The following ZNF236 variants were observed in gnomAD, a reference collection of about 807,000 sequenced individuals.
ZNF236 encodes the protein zinc finger protein 236.
Under a neutral mutation model 191.2 loss-of-function variants are expected in ZNF236, and 50 were observed. That is an observed-to-expected ratio of 0.26 (90% confidence interval 0.21 to 0.33). The LOEUF (loss-of-function observed/expected upper bound fraction) is 0.33, where lower values mean the gene tolerates loss of function less well. Among genes scored for constraint, ZNF236 ranks in the 10% least tolerant of loss-of-function variants. ZNF236 has a pLI of 1.00. For missense variants in ZNF236, 1,754 were observed against 2,374.5 expected (o/e 0.74, Z 5.43); for synonymous variants, 907 against 928.8 (o/e 0.98, Z 0.43).
intron 19 of ZNF236, among the ~76,000 whole-genome samples, chr18:76,916,418 G>A (rs1308075844): frequency 1.3e-5 from 2 of 152,154 alleles, no homozygotes; most frequent in African/African-American, 2.4e-5. Flanking sequence ...ACCTGTGCTT[G>A]CCATTACGTT....
Position 76,879,806 on chromosome 18 carries a change from C to T in ZNF236, c.985-307C>T, listed in dbSNP as rs565022661. 1.1e-4 allele frequency among the ~76,000 whole-genome samples: 16 copies of T among 152,162 alleles called. No individual in the cohort carries two copies. In the South Asian group the frequency reaches 3.3e-3, roughly 32 times the overall value. On this transcript the variant is annotated intron_variant, in intron 7 of 30. Transcript: ENST00000320610. ...GTGTAACTTGATATTTTAAAAATTC[C>T]TTCACTTCAATTTTATGGGCTAACA...
At chr18:76,887,757 C>T (rs1005147177) in intron 9 of ZNF236, among the ~76,000 whole-genome samples, 5 of 152,144 alleles carry the variant, frequency 3.3e-5, no homozygotes, top group African/African-American at 4.8e-5. Flanking sequence ...CATTAGGCCC[C>T]GTGAGACTTA....
At chr18:76,902,351 CATA>C (rs1159355419) in intron 11 of ZNF236, among the ~76,000 whole-genome samples, 7 of 152,114 alleles carry the variant, frequency 4.6e-5, no homozygotes, top group African/African-American at 1.7e-4. Context: ...AGAGGATTAG[CATA>C]GAATAGTGTT....
At position 76,908,454 on chromosome 18, in the gene ZNF236, C is replaced by T. The variant is rs2122756443; in HGVS notation, c.2432C>T (p.Ala811Val). 1 of 1,614,102 alleles carries T rather than the reference C, an allele frequency of 6.2e-7. No homozygotes were observed. The highest frequency in any genetic ancestry group is 8.5e-7 in the Non-Finnish European group (1 of 1,180,032). The change falls in exon 14 of 31, where the codon GCA becomes GTA. Residue 811 changes from alanine to valine, a missense_variant. Ala to Val is a moderately conservative substitution (Grantham distance 64). Around this residue, in one of 5 missense-constraint regions of ZNF236, gnomAD observed 641 missense variants for 869.6 expected, o/e 0.74. Coordinates refer to ENST00000320610, the MANE Select transcript of ZNF236 (RefSeq NM_001306089.2). ...GAGAGCGACGAGCTGCCGCAGACGGCAGAGGTGGTCGCAGCGAACCCCGAG... is the reference window on the plus strand; with the variant it reads ...GAGAGCGACGAGCTGCCGCAGACGGTAGAGGTGGTCGCAGCGAACCCCGAG... ...EIESDELPQT[A>V]EVVAANPEAM...
chr18:76,834,392 T>A (rs1348680033), intron 1 of ZNF236: 4 of 173,932 alleles, frequency 2.3e-5, no homozygotes, highest in Admixed American at 1.9e-4. Context: ...TTTTTTTTCA[T>A]TTCAAGTTTT....
rs1178844988 is a variant in ZNF236, at chr18:76,880,990, A to G, written c.1189-294A>G. On this transcript the variant is annotated intron_variant, in intron 8 of 30. Transcript: ENST00000320610. This position sits in a 1 kb window ranked among gnomAD's most constrained non-coding sequence, Gnocchi z 5.0. ...TAGGGATTCCCAAGACTATTTAGAG[A>G]CAACCAAAGTTGTGTGAGGTAAGAT... 6.6e-6 allele frequency among the ~76,000 whole-genome samples: 1 copy of G among 152,246 alleles called. No individual in the cohort carries two copies. Among genetic ancestry groups the G allele is most frequent in the Admixed American group, 6.5e-5 (1 of 15,292 alleles).
At chr18:76,877,159 C>G (rs975089623) in intron 6 of ZNF236, among the ~76,000 whole-genome samples, 1 of 152,140 alleles carries the variant, frequency 6.6e-6, no homozygotes, top group Non-Finnish European at 1.5e-5. Context: ...CTGTTCACAG[C>G]TGTTCTTACT....
rs181782091 is a variant in ZNF236, at chr18:76,961,135, A to C, written c.5419+280A>C. On this transcript the variant is annotated intron_variant, in intron 30 of 30. Transcript: ENST00000320610. Reference sequence around the variant, plus strand: ...GCAGTGTACACTGCACCCTATTTATAGTCTTTTATCCCTCACCCCCTTCCC... The same window carrying C: ...GCAGTGTACACTGCACCCTATTTATCGTCTTTTATCCCTCACCCCCTTCCC... Among the ~76,000 whole-genome samples the C allele has an allele frequency of 9.2e-5, 14 of 152,194 alleles. No individual in the cohort carries two copies. The East Asian group carries it at 1.4e-3, about 15-fold the overall frequency.
chr18:76,833,340 G>C (rs76710690), intron 1 of ZNF236, among the ~76,000 whole-genome samples: 2,440 of 152,098 alleles, frequency 0.016, 45 homozygotes, highest in Non-Finnish European at 0.021. Context: ...GTTTCTTTTG[G>C]GGGGTGGAGG....
rs1401202461 is a variant in ZNF236, at chr18:76,915,650, T to C, written c.3065T>C (p.Val1022Ala). 1 of 1,613,538 alleles carries C rather than the reference T, an allele frequency of 6.2e-7. No individual in the cohort carries two copies. Among genetic ancestry groups the C allele is most frequent in the African/African-American group, 1.3e-5 (1 of 74,856 alleles). Residue 1022 changes from valine to alanine, a missense_variant, in exon 19 of 31, where the codon GTG becomes GCG. Val to Ala is a moderately conservative substitution (Grantham distance 64). Coordinates refer to ENST00000320610, the MANE Select transcript of ZNF236 (RefSeq NM_001306089.2). The part of the protein sequence containing the change: ...LKSHEKTHTG[V>A]KAFSCSVCNA... ...TTTTCTGTTTCTGTGCTTGCAGGAG[T>C]GAAGGCGTTCAGCTGCAGTGTGTGC...
At chr18:76,940,312 A>G (rs1174513708) in intron 26 of ZNF236, among the ~76,000 whole-genome samples, 2 of 53,472 alleles carry the variant, frequency 3.7e-5, no homozygotes, top group East Asian at 1.2e-3. Context: ...GCATTTGGGA[A>G]CATGGTGGGC....
rs1237568653 is a variant in ZNF236 at position 76,960,220 on chromosome 18, C to G, written c.5242+404C>G. The stretch of plus-strand genomic sequence containing the variant: ...AAACTTTTTTTCTCTGCTGGCTTTT[C>G]CTACACCACCTAAATCTGCTCAAAC... On this transcript the variant is annotated intron_variant, in intron 29 of 30. Transcript: ENST00000320610. The surrounding 1 kb of genome is among the most constrained non-coding windows in gnomAD (Gnocchi z 4.4). Among the ~76,000 whole-genome samples the G allele has an allele frequency of 6.6e-6, 1 of 152,142 alleles. No homozygotes were observed. Among genetic ancestry groups the G allele is most frequent in the East Asian group, 1.9e-4 (1 of 5,198 alleles).
At chr18:76,892,351 G>A (rs913545525) in intron 9 of ZNF236, among the ~76,000 whole-genome samples, 7 of 151,266 alleles carry the variant, frequency 4.6e-5, no homozygotes, top group Non-Finnish European at 1.0e-4. Flanking sequence ...TCATTGACTA[G>A]TATCTCTAGA....
intron 1 of ZNF236, among the ~76,000 whole-genome samples, chr18:76,841,823 A>G (rs1041923055): frequency 2.6e-5 from 4 of 151,710 alleles, no homozygotes. Context: ...CCTCCTGAGT[A>G]GCTAGTATTA....
At chr18:76,890,261 G>A (rs927692120) in intron 9 of ZNF236, among the ~76,000 whole-genome samples, 1 of 152,244 alleles carries the variant, frequency 6.6e-6, no homozygotes, top group Admixed American at 6.5e-5. Context: ...GTGACTTGTA[G>A]ATATAATGCC....
chr18:76,853,194 A>C (rs1975932573), intron 3 of ZNF236, among the ~76,000 whole-genome samples: 6 of 151,740 alleles, frequency 4.0e-5, no homozygotes, highest in Admixed American at 3.9e-4. Context: ...TTCTCGTGCC[A>C]TAGCCTCCCG....
intron 27 of ZNF236, among the ~76,000 whole-genome samples, chr18:76,955,054 A>G (rs1191731647): frequency 6.6e-6 from 1 of 152,186 alleles, no homozygotes; most frequent in African/African-American, 2.4e-5. Context: ...ATTAATTTTC[A>G]TTATAATTGT....
rs899061645 is a variant in ZNF236 at position 76,960,492 on chromosome 18, T to C, written c.5243-187T>C. Among the ~76,000 whole-genome samples, 3 of 152,136 alleles carry C rather than the reference T, an allele frequency of 2.0e-5. No homozygotes were observed. The highest frequency in any genetic ancestry group is 7.2e-5 in the African/African-American group (3 of 41,446). On this transcript the variant is annotated intron_variant, in intron 29 of 30. Coordinates refer to ENST00000320610, the MANE Select transcript of ZNF236 (RefSeq NM_001306089.2). This position sits in a 1 kb window ranked among gnomAD's most constrained non-coding sequence, Gnocchi z 4.4. Reference sequence around the variant, plus strand: ...CCTCCGCCCCATCTGCTGGGGGTCGTTAGGACCTGGCCAGGCTCCCTCTGG... The same window carrying C: ...CCTCCGCCCCATCTGCTGGGGGTCGCTAGGACCTGGCCAGGCTCCCTCTGG...
At chr18:76,940,733 T>C (rs1306911633) in intron 26 of ZNF236, among the ~76,000 whole-genome samples, 2 of 152,206 alleles carry the variant, frequency 1.3e-5, no homozygotes, top group Non-Finnish European at 2.9e-5. Context: ...AGGTTGTATT[T>C]TTAAAGTCTG....
Sources: gnomAD v4.1 joint callset for allele counts (sites outside exome capture counted in the v4.1 genomes callset) on GRCh38, gnomAD v4.1.1 for gene constraint, gnomAD v4.1.1 regional missense constraint, Gnocchi (gnomAD v3.1) non-coding constraint, MANE v1.5 for transcripts, NCBI Gene and HGNC (gene_info 2026-07-23, HGNC 2026-07-21) for gene names.